Variants in STXBP4 observed in about 807,000 individuals in gnomAD.
STXBP4 encodes syntaxin binding protein 4.
STXBP4 carries 55 observed loss-of-function variants against 76.1 expected under a neutral mutation model. The observed-to-expected ratio is 0.72, with a 90% CI of 0.58 to 0.91. The LOEUF (loss-of-function observed/expected upper bound fraction) is 0.91, where lower values mean the gene tolerates loss of function less well. Among genes scored for constraint, STXBP4 ranks in the 40% least tolerant of loss-of-function variants. STXBP4 has a pLI of 0.00. For missense variants in STXBP4, 618 were observed against 636.9 expected, an observed-to-expected ratio of 0.97 and a Z score of 0.32; for synonymous variants, 201 against 220.2, an observed-to-expected ratio of 0.91 and a Z score of 0.77.
chr17:55,101,965 G>A (rs1377223863), intron 16 of STXBP4, among the ~76,000 whole-genome samples: 3 of 54,786 alleles, frequency 5.5e-5, no homozygotes, highest in Non-Finnish European at 9.2e-5. Flanking sequence ...AAGTACAAAT[G>A]TTTTTATAAC....
chr17:55,065,079 T>C lies in STXBP4; in HGVS notation c.1012-7821T>C, dbSNP rs139862189. 4.9e-3 allele frequency among the ~76,000 whole-genome samples: 754 copies of C among 152,326 alleles called. 3 individuals are homozygous for C. Among genetic ancestry groups the C allele is most frequent in the Non-Finnish European group, 7.9e-3 (536 of 68,040 alleles). ...TTAAATTCTTACATAATATAGGGTC[T>C]GTATGGGGCTATCTGGTCTTTCTAG... On this transcript the variant is annotated intron_variant, in intron 12 of 17. Transcript: ENST00000376352.
At chr17:55,113,614 T>G (rs2079748264) in intron 16 of STXBP4, among the ~76,000 whole-genome samples, 1 of 152,134 alleles carries the variant, frequency 6.6e-6, no homozygotes, top group Non-Finnish European at 1.5e-5. Context: ...GCAATATTTT[T>G]ATTTTATTTT....
At chr17:54,992,064 A>G (rs888292802) in intron 4 of STXBP4, among the ~76,000 whole-genome samples, 2 of 152,086 alleles carry the variant, frequency 1.3e-5, no homozygotes, top group African/African-American at 4.8e-5. Context: ...AGTACTTTCA[A>G]TTGTTTTATG....
chr17:55,121,458 A>T (rs369412014), intron 16 of STXBP4, among the ~76,000 whole-genome samples: 2 of 152,250 alleles, frequency 1.3e-5, no homozygotes, highest in African/African-American at 4.8e-5. Flanking sequence ...ATGAGCAACC[A>T]CAATCTTGAG....
intron 8 of STXBP4, among the ~76,000 whole-genome samples, chr17:55,022,858 G>T (rs2078339636): frequency 6.6e-6 from 1 of 152,280 alleles, no homozygotes; most frequent in Admixed American, 6.5e-5. Flanking sequence ...GAGATAATCA[G>T]ATTATTTCTT....
chr17:55,109,021 G>A (rs745846207), intron 16 of STXBP4, among the ~76,000 whole-genome samples: 18 of 152,012 alleles, frequency 1.2e-4, no homozygotes, highest in African/African-American at 1.7e-4. Flanking sequence ...TTTTACTGTC[G>A]ATTTCAGATT....
chr17:55,044,875 A>G (rs978172103), intron 11 of STXBP4: 2 of 148,186 alleles, frequency 1.3e-5, no homozygotes, highest in African/African-American at 2.5e-5. Context: ...CTCTCTCTTT[A>G]TAAGAATTAT....
rs1345191728 is a variant in STXBP4, at chr17:55,161,174, A to G, written c.*1263A>G. 6.6e-6 allele frequency: 1 copy of G among 152,228 alleles called. No homozygotes were observed. The highest frequency in any genetic ancestry group is 1.5e-5 in the Non-Finnish European group (1 of 68,038). 9.4% of individuals were successfully genotyped at this position (152,228 alleles called of 1,614,324 possible). A position where few individuals can be genotyped will look rare whatever the true frequency, so the allele number is the denominator to read the frequency against. ...GGTGTATAATACAGATTTATATGGT[A>G]AAGATATACATATACATTGTGCTCA... On this transcript the variant is annotated 3_prime_UTR_variant, in exon 18 of 18. Transcript: ENST00000376352.
intron 12 of STXBP4, among the ~76,000 whole-genome samples, chr17:55,061,473 A>G (rs1026049967): frequency 1.8e-4 from 28 of 152,208 alleles, no homozygotes. Flanking sequence ...GAAGAAAAAT[A>G]CATATATTTG....
chr17:55,181,263 A>G, the STXBP4 span, among the ~76,000 whole-genome samples: 11 of 152,266 alleles, frequency 7.2e-5, no homozygotes, highest in Non-Finnish European at 5.9e-5. Flanking sequence ...TCATGCTATC[A>G]ATAATCAGCC....
downstream of STXBP4, among the ~76,000 whole-genome samples, chr17:55,174,469 A>G (rs567774977): frequency 1.1e-4 from 17 of 152,104 alleles, no homozygotes; most frequent in Non-Finnish European, 8.8e-5. Context: ...TCATCTGCTT[A>G]TTTGTCATCT....
At chr17:55,067,681 A>G (rs951756920) in intron 12 of STXBP4, among the ~76,000 whole-genome samples, 5 of 152,186 alleles carry the variant, frequency 3.3e-5, no homozygotes, top group Non-Finnish European at 5.9e-5. Flanking sequence ...GAGGAAATCA[A>G]TCTTTCAGAA....
intron 3 of STXBP4, among the ~76,000 whole-genome samples, chr17:54,989,347 G>A (rs1406297154): frequency 3.3e-5 from 5 of 152,094 alleles, no homozygotes; most frequent in South Asian, 4.1e-4. Flanking sequence ...CGCCCGCCTC[G>A]GCCTCCCAAA....
intron 1 of STXBP4, among the ~76,000 whole-genome samples, chr17:54,979,687 C>T (rs2077521973): frequency 6.6e-6 from 1 of 152,154 alleles, no homozygotes. Flanking sequence ...TGGCCAATAG[C>T]TTCTGACAAA....
chr17:55,159,974 C>G lies in STXBP4; in HGVS notation c.*63C>G. The G allele has an allele frequency of 9.7e-7, 1 of 1,034,768 alleles. No individual in the cohort carries two copies. Among genetic ancestry groups the G allele is most frequent in the Admixed American group, 1.8e-5 (1 of 54,528 alleles). 64.1% of individuals were successfully genotyped at this position (1,034,768 alleles called of 1,614,324 possible). ...GAGCAGAGACGCATAACATCCAATT[C>G]TGAGATGAAACAGTCTAAAATAGGA... On this transcript the variant is annotated 3_prime_UTR_variant, in exon 18 of 18. Transcript: ENST00000376352.
intron 16 of STXBP4, among the ~76,000 whole-genome samples, chr17:55,140,534 A>G (rs2080083556): frequency 6.6e-6 from 1 of 152,128 alleles, no homozygotes; most frequent in Non-Finnish European, 1.5e-5. Flanking sequence ...ACTGTGTTCT[A>G]GAAACGTAAC....
chr17:55,211,799 GTTTTTTTTTTTTTT>G, the STXBP4 span, among the ~76,000 whole-genome samples: 4 of 48,980 alleles, frequency 8.2e-5, no homozygotes, highest in East Asian at 2.8e-3. Context: ...GTTTTTTGTT[GTTTTTTTTTTTTTT>G]TTTTTTTTTT....
At chr17:55,034,903 A>G (rs1424789916) in intron 10 of STXBP4, among the ~76,000 whole-genome samples, 1 of 152,026 alleles carries the variant, frequency 6.6e-6, no homozygotes, top group Non-Finnish European at 1.5e-5. Context: ...TGACATTTAT[A>G]TTATTGAATA....
chr17:55,043,186 A>T (rs372954979), intron 10 of STXBP4, 50 bp from the exon 11 acceptor site: 4 of 931,824 alleles, frequency 4.3e-6, no homozygotes, highest in Non-Finnish European at 6.1e-6. Context: ...GTTACCTCTC[A>T]TAATTAGCAT....
Sources: gnomAD v4.1 joint callset for allele counts (sites outside exome capture counted in the v4.1 genomes callset) on GRCh38, gnomAD v4.1.1 for gene constraint, MANE v1.5 for transcripts, NCBI Gene and HGNC (gene_info 2026-07-23, HGNC 2026-07-21) for gene names.